The following NAALADL2 variants were observed in gnomAD, a reference collection of about 807,000 sequenced individuals.
NAALADL2 encodes N-acetylated alpha-linked acidic dipeptidase like 2.
NAALADL2 carries 76 observed loss-of-function variants against 87.2 expected under a neutral mutation model. That is an observed-to-expected ratio of 0.87 (90% CI 0.72 to 1.05). The LOEUF (loss-of-function observed/expected upper bound fraction) is 1.05. Ranked by LOEUF, NAALADL2 falls within the 50% of genes least tolerant of loss-of-function variation. NAALADL2 has a pLI of 0.00. For missense variants in NAALADL2, 1,089 were observed against 945.8 expected (o/e 1.15, Z -1.99); for synonymous variants, 354 against 331.0 (o/e 1.07, Z -0.75).
intron 5 of NAALADL2, among the ~76,000 whole-genome samples, chr3:175,341,119 AC>A (rs1762528848): frequency 6.6e-6 from 1 of 151,714 alleles, no homozygotes; most frequent in Non-Finnish European, 1.5e-5. Context: ...TATTTTCATC[AC>A]TCCCAAAAGA....
intron 3 of NAALADL2, among the ~76,000 whole-genome samples, chr3:174,789,335 C>T (rs529284236): frequency 2.0e-5 from 3 of 152,100 alleles, no homozygotes; most frequent in East Asian, 1.9e-4. Context: ...ACCAGAAGGG[C>T]GTGAGGTAGG....
At chr3:175,219,410 T>A (rs528420605) in intron 2 of NAALADL2, among the ~76,000 whole-genome samples, 5 of 152,320 alleles carry the variant, frequency 3.3e-5, no homozygotes, top group South Asian at 4.1e-4. Flanking sequence ...TTTCTGGAGA[T>A]GTTTATATTA....
chr3:174,681,934 C>A (rs1338612700), intron 2 of NAALADL2, among the ~76,000 whole-genome samples: 1 of 152,274 alleles, frequency 6.6e-6, no homozygotes, highest in African/African-American at 2.4e-5. Flanking sequence ...TGCCCCAGAC[C>A]TAGCAGCATT....
At chr3:174,969,045 G>A (rs1369542035) in intron 1 of NAALADL2, among the ~76,000 whole-genome samples, 5 of 152,168 alleles carry the variant, frequency 3.3e-5, no homozygotes, top group Admixed American at 6.5e-5. Context: ...ATAATTTCCC[G>A]AAGGTTATAT....
At chr3:174,980,819 TAGTA>T (rs1745011187) in intron 1 of NAALADL2, among the ~76,000 whole-genome samples, 2 of 119,198 alleles carry the variant, frequency 1.7e-5, no homozygotes, top group Admixed American at 1.6e-4. Flanking sequence ...ATTATTGATT[TAGTA>T]TGATATATGT....
intron 12 of NAALADL2, among the ~76,000 whole-genome samples, chr3:175,740,964 T>C (rs1243459884): frequency 6.6e-6 from 1 of 152,154 alleles, no homozygotes; most frequent in Non-Finnish European, 1.5e-5. Context: ...CAAGGAAGTG[T>C]AGCATGTTTT....
chr3:175,300,493 A>G (rs1374280126), intron 4 of NAALADL2, among the ~76,000 whole-genome samples: 1 of 152,066 alleles, frequency 6.6e-6, no homozygotes, highest in Non-Finnish European at 1.5e-5. Flanking sequence ...CAGTGATTCA[A>G]CTTCTTCCTG....
At chr3:175,242,560 T>C (rs1000804336) in intron 3 of NAALADL2, 1 of 152,228 alleles carries the variant, frequency 6.6e-6, no homozygotes, top group African/African-American at 2.4e-5. Flanking sequence ...TCAATACACT[T>C]ACCTCAATAA....
chr3:175,594,116 T>C (rs557563987), intron 10 of NAALADL2, among the ~76,000 whole-genome samples: 2 of 152,118 alleles, frequency 1.3e-5, no homozygotes, highest in South Asian at 4.1e-4. Flanking sequence ...TAATACCCAA[T>C]AGGTAGGTTT....
chr3:175,413,382 T>C (rs1713972858), intron 5 of NAALADL2, among the ~76,000 whole-genome samples: 2 of 150,380 alleles, frequency 1.3e-5, no homozygotes, highest in East Asian at 2.1e-4. Context: ...CCATCCTGGC[T>C]AACACGGTGA....
chr3:175,809,294 A>G lies in NAALADL2; in HGVS notation c.*6091A>G, dbSNP rs192824307. 6.3e-4 allele frequency: 95 copies of G among 151,996 alleles called. No individual in the cohort carries two copies. The highest frequency in any genetic ancestry group is 2.2e-3 in the African/African-American group (90 of 41,520). 9.4% of individuals were successfully genotyped at this position (151,996 alleles called of 1,614,324 possible). A position where few individuals can be genotyped will look rare whatever the true frequency, so the allele number is the denominator to read the frequency against. On this transcript the variant is annotated 3_prime_UTR_variant, in exon 14 of 14. Transcript: ENST00000454872. ...TTCCAAAGGTGTTATAAACAATTCT[A>G]TTTAGCATCTGAGATAGGTCTATAT... is the stretch of plus-strand genomic sequence containing the variant.
chr3:175,556,434 G>A (rs6766278), intron 9 of NAALADL2, among the ~76,000 whole-genome samples: 3,102 of 152,110 alleles, frequency 0.02, 81 homozygotes, highest in Admixed American at 0.061. Context: ...TTGGAATCCC[G>A]TCTAAAGTGC....
At chr3:175,261,911 G>C (rs759322476) in intron 4 of NAALADL2, among the ~76,000 whole-genome samples, 7 of 152,056 alleles carry the variant, frequency 4.6e-5, no homozygotes, top group Non-Finnish European at 1.0e-4. Context: ...TGCTTAGACA[G>C]ACAAGCCTTT....
intron 1 of NAALADL2, among the ~76,000 whole-genome samples, chr3:174,530,857 C>T (rs766149049): frequency 1.1e-4 from 16 of 152,088 alleles, no homozygotes; most frequent in Admixed American, 3.9e-4. Context: ...CAAAACAAAA[C>T]GAAAAACCTA....
chr3:174,724,297 A>G (rs1185549456), intron 2 of NAALADL2, among the ~76,000 whole-genome samples: 1 of 152,206 alleles, frequency 6.6e-6, no homozygotes, highest in East Asian at 1.9e-4. Flanking sequence ...AGATGAGCAT[A>G]TATCTAAAGA....
At chr3:174,646,636 T>A (rs977775546) in intron 2 of NAALADL2, among the ~76,000 whole-genome samples, 7 of 152,162 alleles carry the variant, frequency 4.6e-5, no homozygotes, top group Non-Finnish European at 8.8e-5. Context: ...ATTTTAATTT[T>A]ATAATTCTGT....
chr3:175,065,744 G>A (rs1714425918), intron 1 of NAALADL2, among the ~76,000 whole-genome samples: 1 of 152,186 alleles, frequency 6.6e-6, no homozygotes, highest in Non-Finnish European at 1.5e-5. Flanking sequence ...AAGTCACTAT[G>A]AGCTTTAAAA....
chr3:174,448,434 G>A (rs9830993), intron 1 of NAALADL2, among the ~76,000 whole-genome samples: 87,584 of 152,026 alleles, frequency 0.58, 26,616 homozygotes, highest in East Asian at 0.92. Context: ...TTAGCAAAGG[G>A]ATTATGCACT....
chr3:175,750,583 A>C (rs1260516472), intron 12 of NAALADL2, among the ~76,000 whole-genome samples: 2 of 152,274 alleles, frequency 1.3e-5, no homozygotes, highest in East Asian at 1.9e-4. Context: ...GAAAGACATT[A>C]ATAATGTTTA....
Sources: allele counts gnomAD v4.1 joint callset (sites outside exome capture counted in the v4.1 genomes callset), GRCh38; gene constraint gnomAD v4.1.1; transcripts MANE v1.5; gene names NCBI Gene and HGNC (gene_info 2026-07-23, HGNC 2026-07-21).